NOL4: variants seen among roughly 807,000 people sequenced by gnomAD.
The protein encoded by NOL4 is cancer/testis antigen 125.
A neutral mutation model predicts 75.9 loss-of-function variants in NOL4; 17 were observed. The ratio of observed to expected loss-of-function variants is 0.22; its 90% CI spans 0.15 to 0.34. The LOEUF is 0.34. Ranked by LOEUF, NOL4 falls within the 10% of genes least tolerant of loss-of-function variation. The pLI, the probability that NOL4 is intolerant of heterozygous loss-of-function variation, is 1.00. For synonymous variants in NOL4, 292 were observed against 289.9 expected (o/e 1.01, Z -0.07); for missense variants, 614 against 793.5 (o/e 0.77, Z 2.72).
At chr18:33,942,915 C>T (rs2145571758) in intron 9 of NOL4, 150 bp downstream of exon 9, 1 of 566,862 alleles carries the variant, frequency 1.8e-6, no homozygotes, top group Admixed American at 3.2e-5. Context: ...CACACATTTT[C>T]AAGTTTAAAT....
At chr18:34,187,487 C>T (rs1287888970) in intron 1 of NOL4, among the ~76,000 whole-genome samples, 1 of 151,202 alleles carries the variant, frequency 6.6e-6, no homozygotes, top group Non-Finnish European at 1.5e-5. Context: ...CGCCATTCTC[C>T]TGCCTCAGCC....
At chr18:34,176,475 A>G (rs913959442) in intron 1 of NOL4, among the ~76,000 whole-genome samples, 15 of 152,216 alleles carry the variant, frequency 9.9e-5, no homozygotes, top group East Asian at 3.9e-4. Context: ...CCATAGGTCA[A>G]ACTCAAAGAG....
At chr18:34,093,007 T>A (rs1245196145) in intron 5 of NOL4, among the ~76,000 whole-genome samples, 1 of 152,206 alleles carries the variant, frequency 6.6e-6, no homozygotes, top group Non-Finnish European at 1.5e-5. Flanking sequence ...CTCAGCACTA[T>A]TGCTCTGGTA....
chr18:33,875,299 C>T (rs890196037), intron 10 of NOL4, among the ~76,000 whole-genome samples: 2 of 151,978 alleles, frequency 1.3e-5, no homozygotes, highest in African/African-American at 4.8e-5. Flanking sequence ...TGCTTGCTTG[C>T]TCCTCATTTC....
chr18:33,887,139 T>G (rs1441071702), intron 9 of NOL4, among the ~76,000 whole-genome samples: 4 of 144,390 alleles, frequency 2.8e-5, no homozygotes, highest in African/African-American at 1.0e-4. Flanking sequence ...TCTAGATATA[T>G]CTATATCTAG....
intron 1 of NOL4, among the ~76,000 whole-genome samples, chr18:34,167,810 G>A (rs1377628084): frequency 6.6e-6 from 1 of 152,052 alleles, no homozygotes; most frequent in African/African-American, 2.4e-5. Context: ...GAGAAGCAGT[G>A]AAGTCTTGGA....
chr18:33,871,970 C>T (rs2063722677), intron 10 of NOL4, among the ~76,000 whole-genome samples: 1 of 151,992 alleles, frequency 6.6e-6, no homozygotes, highest in African/African-American at 2.4e-5. Context: ...ATTTTTCACA[C>T]AATTTTACTT....
chr18:34,204,402 GTTTAATATTCTGAGGT>G (rs2035976771), intron 1 of NOL4, among the ~76,000 whole-genome samples: 2 of 132,106 alleles, frequency 1.5e-5, no homozygotes, highest in South Asian at 4.4e-4. Flanking sequence ...ATATTCTGAG[GTTTAATATTCTGAGGT>G]TCTCTTATCC....
At chr18:34,117,418 C>G (rs2079912356) in intron 2 of NOL4, among the ~76,000 whole-genome samples, 1 of 152,190 alleles carries the variant, frequency 6.6e-6, no homozygotes, top group Admixed American at 6.5e-5. Flanking sequence ...ATTAACCTCA[C>G]AGCATAGGTT....
chr18:34,153,212 T>C (rs1047099585), intron 1 of NOL4, among the ~76,000 whole-genome samples: 1 of 151,906 alleles, frequency 6.6e-6, no homozygotes, highest in Non-Finnish European at 1.5e-5. Context: ...GGTCATAAGG[T>C]ATATTTATAT....
Position 34,129,894 on chromosome 18 carries a change from C to A in NOL4, c.391G>T (p.Gly131Ter). The A allele has an allele frequency of 6.3e-7, 1 of 1,581,500 alleles. No homozygotes were observed. The highest frequency in any genetic ancestry group is 8.6e-7 in the Non-Finnish European group (1 of 1,163,650). The change falls in exon 2 of 11, where the codon GGA (glycine) becomes TGA (stop). Residue 131 changes from glycine (G) to a stop codon, truncating the protein, a stop_gained. Transcript: ENST00000261592. LOFTEE classifies it high-confidence loss of function. Reference protein sequence around the residue: ...PNGEQIRKHAGQKRTYKAISE... With the variant: ...PNGEQIRKHA ...ACTGCTTTGTAAGTTCTCTTTTGTC[C>A]AGCGTGTTTCCGAATTTGTTCTCCA...
chr18:33,971,698 C>T (rs1459096919), intron 6 of NOL4, among the ~76,000 whole-genome samples: 2 of 152,032 alleles, frequency 1.3e-5, no homozygotes, highest in African/African-American at 4.8e-5. Flanking sequence ...CAAAGTAAAC[C>T]GGGGCACTGT....
At chr18:34,193,867 TGGTA>T (rs2035102699) in intron 1 of NOL4, among the ~76,000 whole-genome samples, 1 of 152,132 alleles carries the variant, frequency 6.6e-6, no homozygotes, top group Admixed American at 6.6e-5. Context: ...AAAGAAAATG[TGGTA>T]TGCATACACA....
intron 1 of NOL4, among the ~76,000 whole-genome samples, chr18:34,217,358 C>T (rs1435448404): frequency 1.3e-5 from 2 of 151,684 alleles, no homozygotes; most frequent in African/African-American, 4.8e-5. Flanking sequence ...GATCTCGGCT[C>T]ACTGCAACCT....
At position 33,851,818 on chromosome 18, in the gene NOL4, G is replaced by A. The variant is rs1180416100; in HGVS notation, c.*1024C>T. 6.6e-6 allele frequency: 1 copy of A among 152,490 alleles called. No homozygotes were observed. Among genetic ancestry groups the A allele is most frequent in the Non-Finnish European group, 1.5e-5 (1 of 67,994 alleles). The allele number at this position is 152,490 out of a possible 1,614,324, so 9.4% of individuals were successfully genotyped here. On this transcript the variant is annotated 3_prime_UTR_variant, in exon 11 of 11. Transcript: ENST00000261592. Reference sequence around the variant, plus strand: ...AATTATACAAATCATATCAGGAGATGTAATGGTCTTTTTGGAAACTATTTC... The same window carrying A: ...AATTATACAAATCATATCAGGAGATATAATGGTCTTTTTGGAAACTATTTC...
intron 5 of NOL4, among the ~76,000 whole-genome samples, chr18:34,043,947 C>A (rs1490219678): frequency 3.3e-5 from 5 of 152,044 alleles, no homozygotes; most frequent in African/African-American, 9.7e-5. Flanking sequence ...TTAGGGGTCT[C>A]TCTCATGGGA....
At chr18:34,060,056 T>TTG (rs1434250889) in intron 5 of NOL4, among the ~76,000 whole-genome samples, 2 of 152,140 alleles carry the variant, frequency 1.3e-5, no homozygotes, top group Non-Finnish European at 2.9e-5. Context: ...AGCTAAGCTG[T>TTG]GTCAACTCAC....
intron 1 of NOL4, among the ~76,000 whole-genome samples, chr18:34,215,529 T>C (rs574258986): frequency 6.6e-6 from 1 of 152,102 alleles, no homozygotes; most frequent in Middle Eastern, 3.2e-3. Flanking sequence ...GAGGGAGAAA[T>C]CAAGGCTGCC....
rs2080853507 is a variant in NOL4, at chr18:34,135,578, T to A, written c.265-5558A>T. Among the ~76,000 whole-genome samples, 3 of 150,030 alleles carry A rather than the reference T, an allele frequency of 2.0e-5. No individual in the cohort carries two copies. In the South Asian group the frequency reaches 6.3e-4, roughly 32 times the overall value. Reference sequence around the variant, plus strand: ...CAGGTGTGGCGGTGGGCGCCTGTAGTGCCCGCTACTTGGGAGGCTGAGGCA... The same window carrying A: ...CAGGTGTGGCGGTGGGCGCCTGTAGAGCCCGCTACTTGGGAGGCTGAGGCA... On this transcript the variant is annotated intron_variant, in intron 1 of 10. Coordinates refer to ENST00000261592, the MANE Select transcript of NOL4 (RefSeq NM_003787.5).
Sources: gnomAD v4.1 joint callset for allele counts (sites outside exome capture counted in the v4.1 genomes callset) on GRCh38, gnomAD v4.1.1 for gene constraint, MANE v1.5 for transcripts, NCBI Gene and HGNC (gene_info 2026-07-23, HGNC 2026-07-21) for gene names.